YTHDF1: variants seen among roughly 807,000 people sequenced by gnomAD.
YTHDF1 encodes YTH domain-containing family protein 1.
YTHDF1 carries 16 observed loss-of-function variants against 49.1 expected under a neutral mutation model. The ratio of observed to expected loss-of-function variants is 0.33; its 90% CI spans 0.22 to 0.49. YTHDF1 has a LOEUF of 0.49. YTHDF1 is among the 20% of genes least tolerant of loss of function. The pLI, the probability that YTHDF1 is intolerant of heterozygous loss-of-function variation, is 0.99. For synonymous variants in YTHDF1, 313 were observed against 290.1 expected (o/e 1.08, Z -0.80); for missense variants, 621 against 744.3 (o/e 0.83, Z 1.93).
In YTHDF1 at chr20:63,195,759, C is replaced by T. The variant is rs905003663; in HGVS notation, c.*949G>A. Reference sequence around the variant, plus strand: ...TCCCTCATTCCACAAAACATGACAGCAAATTCATCTTCTAAAAAAAGTTTT... The same window carrying T: ...TCCCTCATTCCACAAAACATGACAGTAAATTCATCTTCTAAAAAAAGTTTT... On this transcript the variant is annotated 3_prime_UTR_variant, in exon 5 of 5. Coordinates refer to ENST00000370339, the MANE Select transcript of YTHDF1 (RefSeq NM_017798.4). 3.9e-5 allele frequency: 6 copies of T among 152,216 alleles called. No individual in the cohort carries two copies. Among genetic ancestry groups the T allele is most frequent in the Non-Finnish European group, 1.5e-5 (1 of 68,024 alleles). 9.4% of individuals were successfully genotyped at this position (152,216 alleles called of 1,614,324 possible). A position where few individuals can be genotyped will look rare whatever the true frequency, so the allele number is the denominator to read the frequency against.
chr20:63,212,688 T>C (rs1376293900), intron 3 of YTHDF1, among the ~76,000 whole-genome samples: 1 of 152,232 alleles, frequency 6.6e-6, no homozygotes, highest in Admixed American at 6.5e-5. Flanking sequence ...TTGGGAGTTT[T>C]GCTGCAACAG....
At position 63,215,099 on chromosome 20, in the gene YTHDF1, CTT is replaced by C. The variant is rs567236848; in HGVS notation, c.52+476_52+477del. Among the ~76,000 whole-genome samples the C allele has an allele frequency of 1.8e-3, 267 of 152,330 alleles. 1 individual carries two copies. Among genetic ancestry groups the C allele is most frequent in the African/African-American group, 6.2e-3 (256 of 41,564 alleles). ...TGTTCCAAGTAAACGTGAAGTGTCA[CTT>C]AACAGTTTTCACATGAGTGCGCTCT... On this transcript the variant is annotated intron_variant, in intron 2 of 4. Coordinates refer to ENST00000370339, the MANE Select transcript of YTHDF1 (RefSeq NM_017798.4).
chr20:63,213,981 TAA>T (rs1337085532), intron 2 of YTHDF1, 38 bp from the exon 3 acceptor site: 2 of 1,562,324 alleles, frequency 1.3e-6, no homozygotes, highest in African/African-American at 1.4e-5. Flanking sequence ...CCTCAAATTT[TAA>T]AAGATTACTT....
chr20:63,206,020 G>T (rs1047303971), intron 3 of YTHDF1, among the ~76,000 whole-genome samples: 6 of 151,648 alleles, frequency 4.0e-5, no homozygotes, highest in Non-Finnish European at 5.9e-5. Context: ...GGCCCAGACT[G>T]GGGGGGTGAG....
intron 3 of YTHDF1, among the ~76,000 whole-genome samples, chr20:63,207,350 T>C (rs2066551551): frequency 6.6e-6 from 1 of 151,976 alleles, no homozygotes; most frequent in African/African-American, 2.4e-5. Flanking sequence ...GTGCCTGTAG[T>C]CCCAGCTACT....
rs2066488465 is a variant in YTHDF1, at chr20:63,195,463, TCTC to T, written c.*1242_*1244del. ...TAGTATTGTTTATTAAGGCTTGTATTCTCCTAGAGGAAAAACCCAATGTCGTCC... is the reference window on the plus strand; with the variant it reads ...TAGTATTGTTTATTAAGGCTTGTATTCTAGAGGAAAAACCCAATGTCGTCC... On this transcript the variant is annotated 3_prime_UTR_variant, in exon 5 of 5. Coordinates refer to ENST00000370339, the MANE Select transcript of YTHDF1 (RefSeq NM_017798.4). The T allele has an allele frequency of 6.6e-6, 1 of 152,652 alleles. No individual in the cohort carries two copies. Among genetic ancestry groups the T allele is most frequent in the Non-Finnish European group, 1.5e-5 (1 of 68,038 alleles). The allele number at this position is 152,652 out of a possible 1,614,324, so 9.5% of individuals were successfully genotyped here.
intron 4 of YTHDF1, among the ~76,000 whole-genome samples, chr20:63,197,115 A>T (rs1216645358): frequency 6.6e-6 from 1 of 152,230 alleles, no homozygotes; most frequent in African/African-American, 2.4e-5. Flanking sequence ...GCTGGCACGC[A>T]CCAGGCTCTC....
chr20:63,199,897 AAAAAATAC>A (rs1230273055), intron 4 of YTHDF1, among the ~76,000 whole-genome samples: 1 of 152,128 alleles, frequency 6.6e-6, no homozygotes, highest in Non-Finnish European at 1.5e-5. Context: ...TGATTCTACA[AAAAAATAC>A]AAAAATTAGC....
chr20:63,202,842 G>T lies in YTHDF1; in HGVS notation c.1098C>A (p.Pro366=), dbSNP rs780707993. The change falls in exon 4 of 5, where the codon CCC becomes CCA. Residue 366 remains proline, a synonymous_variant. Transcript: ENST00000370339. ...GAGCAGCCTTCAGTTTTTCAAGGAC[G>T]GGGTGGGATTCGACGCTGGGGGCAG... ...PNSAPSVESH[P]VLEKLKAAHS... is the part of the protein sequence containing the mutation. 33 of 1,613,922 alleles carry T rather than the reference G, an allele frequency of 2.0e-5. No individual in the cohort carries two copies. In the South Asian group the frequency reaches 3.5e-4, roughly 17 times the overall value.
Position 63,196,674 on chromosome 20 carries a change from C to A in YTHDF1, c.*34G>T. 1 of 1,613,208 alleles carries A rather than the reference C, an allele frequency of 6.2e-7. No homozygotes were observed. Among genetic ancestry groups the A allele is most frequent in the South Asian group, 1.1e-5 (1 of 90,918 alleles). ...ACGTGTTTTAAACTGTTTTCAAAGT[C>A]AAACGTTAGAACATGTAAGAAACTG... On this transcript the variant is annotated 3_prime_UTR_variant, in exon 5 of 5. Coordinates refer to ENST00000370339, the MANE Select transcript of YTHDF1 (RefSeq NM_017798.4).
At position 63,203,604 on chromosome 20, in the gene YTHDF1, C is replaced by T; in HGVS notation, c.336G>A (p.Gly112=). 1 of 1,614,106 alleles carries T rather than the reference C, an allele frequency of 6.2e-7. No individual in the cohort carries two copies. Among genetic ancestry groups the T allele is most frequent in the Non-Finnish European group, 8.5e-7 (1 of 1,180,020 alleles). ...TGAACCTGTGCTGATAGATGTTGTT[C>T]CCCAGGCCCCCAGGCTGCCCAAAAA... ...DAVFGQPGGL[G]NNIYQHRFNF... Residue 112 remains glycine, a synonymous_variant, in exon 4 of 5, where the codon GGG becomes GGA. Coordinates refer to ENST00000370339, the MANE Select transcript of YTHDF1 (RefSeq NM_017798.4). The surrounding 1 kb of genome is among the most constrained non-coding windows in gnomAD (Gnocchi z 4.4).
rs2066598911 is a variant in YTHDF1, at chr20:63,215,717, G to GCGGTCACGTGCGAC, written c.28-117_28-116insGTCGCACGTGACCG. On this transcript the variant is annotated intron_variant, in intron 1 of 4. Transcript: ENST00000370339. ...GGCCGCGAGCTCCGCCGGCCCCGAC[G>GCGGTCACGTGCGAC]CGCGGTCACGTGCGACCCCGGCCCC... 8.0e-5 allele frequency: 112 copies of GCGGTCACGTGCGAC among 1,399,602 alleles called. 2 individuals carry two copies. In the East Asian group the frequency reaches 3.2e-3, roughly 40 times the overall value. 86.7% of individuals were successfully genotyped at this position (1,399,602 alleles called of 1,614,324 possible). A position where few individuals can be genotyped will look rare whatever the true frequency, so the allele number is the denominator to read the frequency against.
chr20:63,211,831 C>A (rs1253273195), intron 3 of YTHDF1, among the ~76,000 whole-genome samples: 2 of 152,054 alleles, frequency 1.3e-5, no homozygotes, highest in Non-Finnish European at 1.5e-5. Context: ...GTGGTGCATG[C>A]CTGTAGTCCC....
At chr20:63,205,089 C>T (rs917136622) in intron 3 of YTHDF1, among the ~76,000 whole-genome samples, 14 of 152,122 alleles carry the variant, frequency 9.2e-5, no homozygotes, top group African/African-American at 3.1e-4. Flanking sequence ...TCCCGCTCCC[C>T]GCCCCCCAGT....
rs1177996775 is a variant in YTHDF1 at position 63,203,477 on chromosome 20, G to A, written c.463C>T (p.Pro155Ser). ...ACCACCGTGCCACCCAGGGAGCTCGGGGGGTAGGTGTAGCTGCTCCCATAC... is the reference window on the plus strand; with the variant it reads ...ACCACCGTGCCACCCAGGGAGCTCGAGGGGTAGGTGTAGCTGCTCCCATAC... ...SAYGSSYTYP[P>S]SSLGGTVVDG... is the part of the protein sequence containing the mutation. The change falls in exon 4 of 5, where the codon CCG (proline) becomes TCG (serine). Residue 155 changes from proline (P) to serine (S), a missense_variant. This residue lies in a region of YTHDF1 where 470 missense variants were observed against 495.8 expected (regional missense o/e 0.95). Transcript: ENST00000370339. This position sits in a 1 kb window ranked among gnomAD's most constrained non-coding sequence, Gnocchi z 4.4. 4 of 1,613,366 alleles carry A rather than the reference G, an allele frequency of 2.5e-6. No individual in the cohort carries two copies. The highest frequency in any genetic ancestry group is 2.2e-5 in the South Asian group (2 of 91,082).
intron 4 of YTHDF1, among the ~76,000 whole-genome samples, chr20:63,199,984 G>C (rs2066510439): frequency 2.0e-5 from 3 of 152,258 alleles, no homozygotes; most frequent in South Asian, 4.1e-4. Context: ...AGCCCAGGAG[G>C]TCAAGGCTAC....
At chr20:63,212,229 A>G (rs1215524345) in intron 3 of YTHDF1, among the ~76,000 whole-genome samples, 1 of 152,198 alleles carries the variant, frequency 6.6e-6, no homozygotes, top group Non-Finnish European at 1.5e-5. Context: ...AGAGACAAGA[A>G]ACAGAAGCAG....
intron 3 of YTHDF1, among the ~76,000 whole-genome samples, chr20:63,209,034 T>C (rs2066561170): frequency 6.6e-6 from 1 of 152,260 alleles, no homozygotes; most frequent in African/African-American, 2.4e-5. Flanking sequence ...GAAGTAACTG[T>C]ACATCAATGA....
At chr20:63,209,697 G>A (rs1443831943) in intron 3 of YTHDF1, among the ~76,000 whole-genome samples, 1 of 152,142 alleles carries the variant, frequency 6.6e-6, no homozygotes, top group Non-Finnish European at 1.5e-5. Context: ...AGGTGAGGGA[G>A]AGACCCTGCC....
Sources: allele counts gnomAD v4.1 joint callset (sites outside exome capture counted in the v4.1 genomes callset), GRCh38; gene constraint gnomAD v4.1.1; regional missense constraint gnomAD v4.1.1; non-coding constraint Gnocchi (gnomAD v3.1); transcripts MANE v1.5; gene names NCBI Gene and HGNC (gene_info 2026-07-23, HGNC 2026-07-21).